The following LEMD3 variants were observed in gnomAD, a reference collection of about 807,000 sequenced individuals.
The protein encoded by LEMD3 is LEM domain containing 3.
A neutral mutation model predicts 95.2 loss-of-function variants in LEMD3; 33 were observed. The ratio of observed to expected loss-of-function variants is 0.35; its 90% CI spans 0.26 to 0.46. LEMD3 has a LOEUF of 0.46. LEMD3 is among the 20% of genes least tolerant of loss of function. The pLI, the probability that LEMD3 is intolerant of heterozygous loss-of-function variation, is 1.00. For missense variants in LEMD3, 1,210 were observed against 1,192.8 expected (o/e 1.01, Z -0.21); for synonymous variants, 525 against 474.6 (o/e 1.11, Z -1.38).
chr12:65,240,251 C>A lies in LEMD3; in HGVS notation c.2126+13C>A, dbSNP rs746590213. On this transcript the variant is annotated intron_variant, in intron 8 of 12. Coordinates refer to ENST00000308330, the MANE Select transcript of LEMD3 (RefSeq NM_014319.5). ...AGCCTCATGACAGGTGTGTTCAAAG[C>A]ATTATGAGTTCAAGTAAATCAGAAA... 9.0e-6 allele frequency: 14 copies of A among 1,562,560 alleles called. No individual in the cohort carries two copies. The Admixed American group carries it at 2.3e-4, about 26-fold the overall frequency.
Position 65,170,559 on chromosome 12 carries a change from G to A in LEMD3, c.963G>A (p.Arg321=). The change falls in exon 1 of 13, where the codon AGG becomes AGA. Residue 321 remains arginine, a synonymous_variant. Coordinates refer to ENST00000308330, the MANE Select transcript of LEMD3 (RefSeq NM_014319.5). The stretch of plus-strand genomic sequence containing the variant: ...GGGGAGGACTCGCGATGAATGACAG[G>A]GCGGCGGCTGCCGGGAGTCTAGACA... ...QGGGGLAMND[R]AAAAGSLDRS... The A allele has an allele frequency of 6.2e-7, 1 of 1,614,068 alleles. No individual in the cohort carries two copies. Among genetic ancestry groups the A allele is most frequent in the Non-Finnish European group, 8.5e-7 (1 of 1,179,998 alleles).
Position 65,243,432 on chromosome 12 carries a change from C to A in LEMD3, c.2350C>A (p.Pro784Thr), listed in dbSNP as rs1870993415. Residue 784 changes from proline (P) to threonine (T), a missense_variant, in exon 10 of 13, where the codon CCG becomes ACG. By Grantham distance (38) the Pro-to-Thr change is conservative. Coordinates refer to ENST00000308330, the MANE Select transcript of LEMD3 (RefSeq NM_014319.5). ...AAATTCACCACCAAATAGTTTGACA[C>A]CGTGTCTAAAGATTCGGAATATGTT... ...RRNSPPNSLT[P>T]CLKIRNMFDP... 2 of 1,603,822 alleles carry A rather than the reference C, an allele frequency of 1.2e-6. No individual in the cohort carries two copies. The highest frequency in any genetic ancestry group is 8.5e-7 in the Non-Finnish European group (1 of 1,170,864).
rs764695092 is a variant in LEMD3 at position 65,171,132 on chromosome 12, C to T, written c.1522+14C>T. On this transcript the variant is annotated intron_variant, in intron 1 of 12. Coordinates refer to ENST00000308330, the MANE Select transcript of LEMD3 (RefSeq NM_014319.5). ...GAGAACTCAGCAGTAAGTATTAAAT[C>T]CTGTGGGTAAGGTAACAAAGAGAAT... The T allele has an allele frequency of 1.2e-6, 2 of 1,607,434 alleles. No individual in the cohort carries two copies. Among genetic ancestry groups the T allele is most frequent in the East Asian group, 2.2e-5 (1 of 44,874 alleles).
intron 4 of LEMD3, among the ~76,000 whole-genome samples, chr12:65,227,719 CAT>C (rs1291401784): frequency 7.3e-6 from 1 of 137,876 alleles, no homozygotes; most frequent in Admixed American, 8.1e-5. Context: ...TTTCTTAAAA[CAT>C]AAGAATTTTT....
Position 65,248,101 on chromosome 12 carries a change from C to T in LEMD3, c.*1776C>T, listed in dbSNP as rs1871169764. The T allele has an allele frequency of 1.3e-5, 2 of 152,372 alleles. No individual in the cohort carries two copies. The highest frequency in any genetic ancestry group is 2.1e-4 in the South Asian group (1 of 4,828). The allele number at this position is 152,372 out of a possible 1,614,324, so 9.4% of individuals were successfully genotyped here. ...TTGATGCAGATGCATCTTTTTCTTGCTTCTAAAACATATTTCATGTAAACA... is the reference window on the plus strand; with the variant it reads ...TTGATGCAGATGCATCTTTTTCTTGTTTCTAAAACATATTTCATGTAAACA... On this transcript the variant is annotated 3_prime_UTR_variant, in exon 13 of 13. Coordinates refer to ENST00000308330, the MANE Select transcript of LEMD3 (RefSeq NM_014319.5).
rs1319664154 is a variant in LEMD3 at position 65,175,182 on chromosome 12, A to C, written c.1522+4064A>C. Among the ~76,000 whole-genome samples, 4 of 152,194 alleles carry C rather than the reference A, an allele frequency of 2.6e-5. No individual in the cohort carries two copies. The East Asian group carries it at 7.7e-4, about 29-fold the overall frequency. Reference sequence around the variant, plus strand: ...AAACGCCTTGAGGGCCGTTGAAAGGAGTCAGAATTTTAAGTGATATTATAG... The same window carrying C: ...AAACGCCTTGAGGGCCGTTGAAAGGCGTCAGAATTTTAAGTGATATTATAG... On this transcript the variant is annotated intron_variant, in intron 1 of 12. Coordinates refer to ENST00000308330, the MANE Select transcript of LEMD3 (RefSeq NM_014319.5).
At chr12:65,207,004 A>G (rs540874928) in intron 1 of LEMD3, among the ~76,000 whole-genome samples, 27 of 152,250 alleles carry the variant, frequency 1.8e-4, no homozygotes, top group African/African-American at 6.5e-4. Context: ...CCAACTTACT[A>G]AATTGTTTAC....
intron 1 of LEMD3, chr12:65,171,965 G>A (rs1375559733): frequency 6.6e-6 from 1 of 152,116 alleles, no homozygotes; most frequent in Non-Finnish European, 1.5e-5. Flanking sequence ...CTACACTGAC[G>A]TAGGTGTACA....
Position 65,221,491 on chromosome 12 carries a change from G to A in LEMD3, c.1695+2872G>A, listed in dbSNP as rs560632261. Among the ~76,000 whole-genome samples, 27 of 152,064 alleles carry A rather than the reference G, an allele frequency of 1.8e-4. 1 individual carries two copies. The highest frequency in any genetic ancestry group is 6.5e-4 in the African/African-American group (27 of 41,498). ...TCCTGCCTTGGCCTCCTAAAGCACG[G>A]ATTACAAGCATGAGCCACCACACCC... On this transcript the variant is annotated intron_variant, in intron 4 of 12. Coordinates refer to ENST00000308330, the MANE Select transcript of LEMD3 (RefSeq NM_014319.5).
chr12:65,246,570 G>C lies in LEMD3; in HGVS notation c.*245G>C. 2.1e-6 allele frequency: 1 copy of C among 468,652 alleles called. No individual in the cohort carries two copies. Among genetic ancestry groups the C allele is most frequent in the Non-Finnish European group, 3.8e-6 (1 of 261,574 alleles). The allele number at this position is 468,652 out of a possible 1,614,324, so 29.0% of individuals were successfully genotyped here. Reference sequence around the variant, plus strand: ...AGCCAATACATTTAAAGTTTTGCATGAGGAACACTGACTTTATTAAGCATT... The same window carrying C: ...AGCCAATACATTTAAAGTTTTGCATCAGGAACACTGACTTTATTAAGCATT... On this transcript the variant is annotated 3_prime_UTR_variant, in exon 13 of 13. Coordinates refer to ENST00000308330, the MANE Select transcript of LEMD3 (RefSeq NM_014319.5).
intron 1 of LEMD3, among the ~76,000 whole-genome samples, chr12:65,179,177 GT>G (rs1445508642): frequency 1.3e-5 from 2 of 151,886 alleles, no homozygotes; most frequent in African/African-American, 2.4e-5. Context: ...TGTTCTTTCT[GT>G]TGTTCATTTT....
chr12:65,184,221 C>G (rs1386944166), intron 1 of LEMD3, among the ~76,000 whole-genome samples: 1 of 152,072 alleles, frequency 6.6e-6, no homozygotes, highest in African/African-American at 2.4e-5. Flanking sequence ...CATTTGGATT[C>G]CTAGAGAATA....
Position 65,241,406 on chromosome 12 carries a change from TTA to T in LEMD3, c.2305+321_2305+322del, listed in dbSNP as rs1365721861. 1.5e-3 allele frequency among the ~76,000 whole-genome samples: 231 copies of T among 151,496 alleles called. 2 individuals are homozygous for T. Among genetic ancestry groups the T allele is most frequent in the African/African-American group, 5.3e-3 (219 of 41,422 alleles). ...TCTTTATGTAAATAAGACACATAATTTATGTTATATATACAATAAAATATATA... is the reference window on the plus strand; with the variant it reads ...TCTTTATGTAAATAAGACACATAATTTGTTATATATACAATAAAATATATA... On this transcript the variant is annotated intron_variant, in intron 9 of 12. Coordinates refer to ENST00000308330, the MANE Select transcript of LEMD3 (RefSeq NM_014319.5).
intron 1 of LEMD3, among the ~76,000 whole-genome samples, chr12:65,190,427 A>G (rs1373090597): frequency 2.0e-5 from 3 of 152,116 alleles, no homozygotes; most frequent in Non-Finnish European, 4.4e-5. Flanking sequence ...TATACAGTCT[A>G]TTCTCTCTAA....
chr12:65,246,335 C>T lies in LEMD3; in HGVS notation c.*10C>T. On this transcript the variant is annotated 3_prime_UTR_variant, in exon 13 of 13. Coordinates refer to ENST00000308330, the MANE Select transcript of LEMD3 (RefSeq NM_014319.5). The stretch of plus-strand genomic sequence containing the variant: ...TCAAGGAAGTTCCTGAAAAGATTTT[C>T]TTCCATTTCTAAGACTGTTATTTAC... The T allele has an allele frequency of 1.2e-6, 2 of 1,606,038 alleles. No homozygotes were observed. The highest frequency in any genetic ancestry group is 8.5e-7 in the Non-Finnish European group (1 of 1,173,488).
chr12:65,216,574 C>T (rs1162957137), intron 3 of LEMD3, among the ~76,000 whole-genome samples: 1 of 151,562 alleles, frequency 6.6e-6, no homozygotes, highest in Non-Finnish European at 1.5e-5. Context: ...TAATTAGTAT[C>T]AAGTTTAGCA....
chr12:65,225,079 G>A lies in LEMD3; in HGVS notation c.1695+6460G>A, dbSNP rs145465514. On this transcript the variant is annotated intron_variant, in intron 4 of 12. Coordinates refer to ENST00000308330, the MANE Select transcript of LEMD3 (RefSeq NM_014319.5). ...TTATTCTTTAGCTCCAAAATTTCTG[G>A]GTTTTAAAAATATTTTCTGTCTCTT... Among the ~76,000 whole-genome samples the A allele has an allele frequency of 1.1e-3, 171 of 151,670 alleles. 2 individuals carry two copies. Among genetic ancestry groups the A allele is most frequent in the African/African-American group, 4.0e-3 (166 of 41,374 alleles).
At chr12:65,195,690 C>G (rs1321268734) in intron 1 of LEMD3, among the ~76,000 whole-genome samples, 1 of 152,084 alleles carries the variant, frequency 6.6e-6, no homozygotes, top group African/African-American at 2.4e-5. Flanking sequence ...GCCCCAGTTA[C>G]AACAAGATGG....
intron 1 of LEMD3, among the ~76,000 whole-genome samples, chr12:65,172,254 G>T (rs911092858): frequency 1.3e-5 from 2 of 152,158 alleles, no homozygotes; most frequent in Non-Finnish European, 2.9e-5. Context: ...ATGGACTTCT[G>T]AATACATAAT....
Sources: gnomAD v4.1 joint callset for allele counts (sites outside exome capture counted in the v4.1 genomes callset) on GRCh38, gnomAD v4.1.1 for gene constraint, MANE v1.5 for transcripts, NCBI Gene and HGNC (gene_info 2026-07-23, HGNC 2026-07-21) for gene names.